TBX15: variants seen among roughly 807,000 people sequenced by gnomAD.
TBX15 encodes T-box transcription factor 15.
Under a neutral mutation model 53.9 loss-of-function variants are expected in TBX15, and 18 were observed. That is an observed-to-expected ratio of 0.33 (90% CI 0.23 to 0.49). The LOEUF (loss-of-function observed/expected upper bound fraction) is 0.49, where lower values mean the gene tolerates loss of function less well. Among genes scored for constraint, TBX15 ranks in the 20% least tolerant of loss-of-function variants. The pLI is 0.98. For synonymous variants in TBX15, 295 were observed against 278.0 expected (o/e 1.06, Z -0.61); for missense variants, 692 against 749.5 (o/e 0.92, Z 0.90).
rs1182292444 is a variant in TBX15 at position 118,988,036 on chromosome 1, G to T, written c.-241C>A. On this transcript the variant is annotated 5_prime_UTR_variant, in exon 1 of 8. Transcript: ENST00000369429. The stretch of plus-strand genomic sequence containing the variant: ...GCTAGGAACTAGCGCCCCGAGCGCC[G>T]CCCGCTCGCTGCATGAGCGCCCGAG... 3.4e-6 allele frequency: 2 copies of T among 585,158 alleles called. No homozygotes were observed. Among genetic ancestry groups the T allele is most frequent in the African/African-American group, 3.8e-5 (2 of 52,278 alleles). 36.2% of individuals were successfully genotyped at this position (585,158 alleles called of 1,614,324 possible).
At chr1:118,945,329 C>A (rs566557222) in intron 1 of TBX15, among the ~76,000 whole-genome samples, 1 of 152,142 alleles carries the variant, frequency 6.6e-6, no homozygotes, top group Non-Finnish European at 1.5e-5. Context: ...TGTAAGTTAA[C>A]TCTGATTAGT....
chr1:118,916,159 A>G (rs1655211613), intron 5 of TBX15, among the ~76,000 whole-genome samples: 1 of 152,202 alleles, frequency 6.6e-6, no homozygotes, highest in African/African-American at 2.4e-5. Context: ...ATTTTTCCTC[A>G]AGGAGCTTAT....
At chr1:118,908,072 A>G (rs1396255636) in intron 6 of TBX15, among the ~76,000 whole-genome samples, 1 of 152,142 alleles carries the variant, frequency 6.6e-6, no homozygotes, top group Non-Finnish European at 1.5e-5. Flanking sequence ...GCCTATTTAG[A>G]GATTTGCTCC....
chr1:118,950,901 C>T (rs193269267), intron 1 of TBX15, among the ~76,000 whole-genome samples: 109 of 152,276 alleles, frequency 7.2e-4, no homozygotes, highest in African/African-American at 2.5e-3. Flanking sequence ...TGGTTCCTTA[C>T]CAAATGAGGC....
intron 1 of TBX15, among the ~76,000 whole-genome samples, chr1:118,971,566 A>C (rs1301083093): frequency 6.6e-6 from 1 of 152,232 alleles, no homozygotes; most frequent in African/African-American, 2.4e-5. Flanking sequence ...TATTTCTTCC[A>C]AAAAGTTATA....
At chr1:118,922,523 C>T (rs1387717211) in intron 5 of TBX15, among the ~76,000 whole-genome samples, 3 of 152,062 alleles carry the variant, frequency 2.0e-5, no homozygotes, top group Admixed American at 1.3e-4. Context: ...TTTTCAAGAC[C>T]GGAAACACAA....
At chr1:118,924,041 G>A (rs892596108) in intron 4 of TBX15, among the ~76,000 whole-genome samples, 2 of 152,152 alleles carry the variant, frequency 1.3e-5, no homozygotes, top group East Asian at 1.9e-4. Flanking sequence ...AGAGTAAATG[G>A]TAGATATGGG....
chr1:118,925,694 G>T (rs1475691823), intron 3 of TBX15, among the ~76,000 whole-genome samples: 1 of 152,070 alleles, frequency 6.6e-6, no homozygotes, highest in African/African-American at 2.4e-5. Flanking sequence ...CCTAAAACAC[G>T]CTGGAAGCAT....
At chr1:118,916,930 G>A (rs114892964) in intron 5 of TBX15, among the ~76,000 whole-genome samples, 1,659 of 152,090 alleles carry the variant, frequency 0.011, 36 homozygotes, top group African/African-American at 0.038. Flanking sequence ...ACAGATGCTG[G>A]CAAGGCTGTG....
At chr1:118,941,656 G>A (rs1454089194) in intron 1 of TBX15, among the ~76,000 whole-genome samples, 4 of 152,156 alleles carry the variant, frequency 2.6e-5, no homozygotes, top group Non-Finnish European at 5.9e-5. Flanking sequence ...GGCTGGGCCT[G>A]GCAATGTACG....
intron 6 of TBX15, among the ~76,000 whole-genome samples, chr1:118,904,613 A>G (rs1654750620): frequency 6.6e-6 from 1 of 152,216 alleles, no homozygotes; most frequent in Non-Finnish European, 1.5e-5. Context: ...TTACCAAGTG[A>G]TTCCCAACTT....
At chr1:118,986,611 G>A (rs1055707675) in intron 1 of TBX15, among the ~76,000 whole-genome samples, 3 of 152,182 alleles carry the variant, frequency 2.0e-5, no homozygotes, top group African/African-American at 7.2e-5. Flanking sequence ...CTATCCCAGT[G>A]CAGGCCGCTG....
intron 1 of TBX15, among the ~76,000 whole-genome samples, chr1:118,938,652 G>C (rs1038570076): frequency 4.6e-5 from 7 of 152,130 alleles, no homozygotes; most frequent in Non-Finnish European, 1.0e-4. Context: ...CCACAGCCTT[G>C]CTAGCATTTG....
At chr1:118,906,266 T>C (rs1654823157) in intron 6 of TBX15, among the ~76,000 whole-genome samples, 1 of 152,204 alleles carries the variant, frequency 6.6e-6, no homozygotes, top group Non-Finnish European at 1.5e-5. Flanking sequence ...AAGGTATAGA[T>C]AAGATTTGAG....
At chr1:118,980,318 A>T (rs1391668774) in intron 1 of TBX15, among the ~76,000 whole-genome samples, 1 of 152,146 alleles carries the variant, frequency 6.6e-6, no homozygotes, top group African/African-American at 2.4e-5. Flanking sequence ...CATCCAGTTG[A>T]CAACTAAAAG....
intron 6 of TBX15, among the ~76,000 whole-genome samples, chr1:118,904,821 T>C (rs1779427): frequency 6.6e-6 from 1 of 152,004 alleles, no homozygotes; most frequent in African/African-American, 2.4e-5. Flanking sequence ...CAAAATAGCA[T>C]AATGGTTAAG....
At chr1:118,983,380 G>A (rs1272397006) in intron 1 of TBX15, among the ~76,000 whole-genome samples, 1 of 152,162 alleles carries the variant, frequency 6.6e-6, no homozygotes, top group Non-Finnish European at 1.5e-5. Flanking sequence ...CGCCGGGGCC[G>A]GAGTTTTACA....
At chr1:118,929,530 A>C (rs1378674593) in intron 2 of TBX15, among the ~76,000 whole-genome samples, 1 of 152,212 alleles carries the variant, frequency 6.6e-6, no homozygotes, top group African/African-American at 2.4e-5. Context: ...GAGACAACTG[A>C]ATACAGAACC....
intron 1 of TBX15, among the ~76,000 whole-genome samples, chr1:118,970,255 G>T (rs1326030018): frequency 2.0e-5 from 3 of 152,154 alleles, no homozygotes; most frequent in African/African-American, 7.2e-5. Context: ...GCCTCCTTGT[G>T]TAAGTTTGGC....
Sources: gnomAD v4.1 joint callset for allele counts (sites outside exome capture counted in the v4.1 genomes callset) on GRCh38, gnomAD v4.1.1 for gene constraint, MANE v1.5 for transcripts, NCBI Gene and HGNC (gene_info 2026-07-23, HGNC 2026-07-21) for gene names.